MS4A12: variants seen among roughly 807,000 people sequenced by gnomAD.
MS4A12 encodes membrane-spanning 4-domains subfamily A member 12.
MS4A12 carries 28 observed loss-of-function variants against 23.7 expected under a neutral mutation model. The observed-to-expected ratio is 1.18, with a 90% CI of 0.88 to 1.62. MS4A12 has a LOEUF of 1.62. MS4A12 is among the 40% of genes most tolerant of loss of function. The pLI, the probability that MS4A12 is intolerant of heterozygous loss-of-function variation, is 0.00. For synonymous variants in MS4A12, 108 were observed against 110.1 expected, an observed-to-expected ratio of 0.98 and a Z score of 0.12; for missense variants, 342 against 327.0, an observed-to-expected ratio of 1.05 and a Z score of -0.35.
chr11:60,506,720 G>T lies in MS4A12; in HGVS notation c.589-8G>T, dbSNP rs758150152. On this transcript the variant is annotated splice_polypyrimidine_tract_variant and splice_region_variant and intron_variant, in intron 5 of 6. Transcript: ENST00000016913. ...AGCCAAAATTTCACTATTTATTTAT[G>T]ATTTCAGCTTTCTGGAAAAGGCATT... 2 of 1,612,074 alleles carry T rather than the reference G, an allele frequency of 1.2e-6. No homozygotes were observed. Among genetic ancestry groups the T allele is most frequent in the African/African-American group, 2.7e-5 (2 of 74,848 alleles).
chr11:60,499,308 G>A (rs1480105206), intron 2 of MS4A12, among the ~76,000 whole-genome samples: 1 of 152,168 alleles, frequency 6.6e-6, no homozygotes, highest in Non-Finnish European at 1.5e-5. Context: ...CTGTCCTATA[G>A]GCAATTTTGA....
At chr11:60,498,269 A>C (rs2086504706) in intron 2 of MS4A12, among the ~76,000 whole-genome samples, 1 of 152,190 alleles carries the variant, frequency 6.6e-6, no homozygotes, top group African/African-American at 2.4e-5. Context: ...CCACCAAATT[A>C]TATTAAGTCT....
rs200547614 is a variant in MS4A12, at chr11:60,502,031, C to A, written c.463C>A (p.Arg155Ser). 1.7e-5 allele frequency: 27 copies of A among 1,611,774 alleles called. No homozygotes were observed. The East Asian group carries it at 6.0e-4, about 36-fold the overall frequency. The change falls in exon 4 of 7, where the codon CGT becomes AGT. Residue 155 changes from arginine to serine, a missense_variant. Arg to Ser is a moderately radical substitution (Grantham distance 110). Transcript: ENST00000016913. Reference sequence around the variant, plus strand: ...TGTGTCAGCATCCAAGGAGCTTTCCCGTTGTCTGGTAAGTTAGACTGTCTC... The same window carrying A: ...TGTGTCAGCATCCAAGGAGCTTTCCAGTTGTCTGGTAAGTTAGACTGTCTC... ...LSVSASKELS[R>S]CLVKGSLGMN...
Position 60,506,719 on chromosome 11 carries a change from T to C in MS4A12, c.589-9T>C. Reference sequence around the variant, plus strand: ...TAGCCAAAATTTCACTATTTATTTATGATTTCAGCTTTCTGGAAAAGGCAT... The same window carrying C: ...TAGCCAAAATTTCACTATTTATTTACGATTTCAGCTTTCTGGAAAAGGCAT... On this transcript the variant is annotated splice_polypyrimidine_tract_variant and intron_variant, in intron 5 of 6. Transcript: ENST00000016913. The C allele has an allele frequency of 6.2e-7, 1 of 1,612,138 alleles. No individual in the cohort carries two copies. Among genetic ancestry groups the C allele is most frequent in the Non-Finnish European group, 8.5e-7 (1 of 1,178,290 alleles).
At chr11:60,503,866 AAAGTG>A (rs767671907) in intron 5 of MS4A12, 49 bp downstream of exon 5, 2 of 1,504,920 alleles carry the variant, frequency 1.3e-6, no homozygotes, top group East Asian at 4.5e-5. Flanking sequence ...TCAGTCCCGT[AAAGTG>A]GGTCTATGTT....
chr11:60,501,057 A>C lies in MS4A12; in HGVS notation c.289A>C (p.Met97Leu), dbSNP rs143892341. 1.2e-6 allele frequency: 2 copies of C among 1,603,918 alleles called. No individual in the cohort carries two copies. The highest frequency in any genetic ancestry group is 1.7e-6 in the Non-Finnish European group (2 of 1,176,992). The change falls in exon 3 of 7, where the codon ATG becomes CTG. Residue 97 changes from methionine (M) to leucine (L), a missense_variant. By Grantham distance (15) the Met-to-Leu change is conservative. Coordinates refer to ENST00000016913, the MANE Select transcript of MS4A12 (RefSeq NM_017716.3). The stretch of plus-strand genomic sequence containing the variant: ...TTTCTTTTTTCAGGTGATCCAGATC[A>C]TGGTTGGATTGATGCACATTGGTTT... ...EAKALGVIQI[M>L]VGLMHIGFGI...
At chr11:60,494,449 T>A (rs11230342) in intron 1 of MS4A12, among the ~76,000 whole-genome samples, 72,286 of 152,076 alleles carry the variant, frequency 0.48, 17,367 homozygotes, top group African/African-American at 0.51. Flanking sequence ...TTTAATTGTA[T>A]GCTTTTTAAA....
chr11:60,493,554 G>A (rs1388494206), intron 1 of MS4A12, among the ~76,000 whole-genome samples: 2 of 152,158 alleles, frequency 1.3e-5, no homozygotes, highest in African/African-American at 2.4e-5. Context: ...CCTTGGCTTT[G>A]TAACACATTT....
Position 60,492,840 on chromosome 11 carries a change from G to C in MS4A12, c.-7+12G>C, listed in dbSNP as rs1565202027. 6.6e-6 allele frequency: 1 copy of C among 152,206 alleles called. No homozygotes were observed. Among genetic ancestry groups the C allele is most frequent in the Non-Finnish European group, 1.5e-5 (1 of 68,054 alleles). 9.4% of individuals were successfully genotyped at this position (152,206 alleles called of 1,614,324 possible). A position where few individuals can be genotyped will look rare whatever the true frequency, so the allele number is the denominator to read the frequency against. ...GCCAAAGGAACAAAGTAAGTCCATTGATACGTTCTTGCCTATCTCTCCTCC... is the reference window on the plus strand; with the variant it reads ...GCCAAAGGAACAAAGTAAGTCCATTCATACGTTCTTGCCTATCTCTCCTCC... On this transcript the variant is annotated intron_variant, in intron 1 of 6. Coordinates refer to ENST00000016913, the MANE Select transcript of MS4A12 (RefSeq NM_017716.3).
intron 4 of MS4A12, 97 bp downstream of exon 4, chr11:60,502,136 G>A (rs2086535248): frequency 8.0e-7 from 1 of 1,256,912 alleles, no homozygotes; most frequent in African/African-American, 1.5e-5. Context: ...AATGCAAAAG[G>A]GAGCACCTTT....
intron 5 of MS4A12, among the ~76,000 whole-genome samples, chr11:60,505,577 C>T (rs1390086496): frequency 1.3e-5 from 2 of 152,072 alleles, no homozygotes; most frequent in Non-Finnish European, 2.9e-5. Context: ...CATTCTGATG[C>T]TACTCAAAGC....
rs1565206447 is a variant in MS4A12, at chr11:60,507,265, A to G, written c.*141A>G. ...AGATTTGTTTTTAGGTTGGTCGCTA[A>G]TGATGGCTGTATCTCCCTTCACTGT... is the stretch of plus-strand genomic sequence containing the variant. On this transcript the variant is annotated 3_prime_UTR_variant, in exon 7 of 7. Transcript: ENST00000016913. 3.0e-6 allele frequency: 2 copies of G among 666,046 alleles called. No individual in the cohort carries two copies. Among genetic ancestry groups the G allele is most frequent in the Non-Finnish European group, 5.2e-6 (2 of 387,244 alleles). The allele number at this position is 666,046 out of a possible 1,614,324, so 41.3% of individuals were successfully genotyped here.
rs768853841 is a variant in MS4A12, at chr11:60,507,063, C to T, written c.743C>T (p.Thr248Ile). Residue 248 changes from threonine (T) to isoleucine (I), a missense_variant, in exon 7 of 7, where the codon ACA becomes ATA. Transcript: ENST00000016913. ...AATATGTATGAAAGCAACCCTGTGA[C>T]ACCAGCGTCTTCTTCAGCTCCTCCC... ...IPNMYESNPV[T>I]PASSSAPPRC... The T allele has an allele frequency of 2.7e-5, 43 of 1,614,068 alleles. 1 individual carries two copies. In the Middle Eastern group the frequency reaches 8.2e-4, roughly 31 times the overall value.
At chr11:60,494,483 G>C (rs7129443) in intron 1 of MS4A12, among the ~76,000 whole-genome samples, 33,152 of 151,948 alleles carry the variant, frequency 0.22, 4,540 homozygotes, top group Non-Finnish European at 0.29. Context: ...TCTTGTTCTG[G>C]TTAATTACTG....
chr11:60,503,619 A>G, intron 4 of MS4A12, 82 bp from the exon 5 acceptor site: 1 of 1,137,062 alleles, frequency 8.8e-7, no homozygotes, highest in Non-Finnish European at 1.3e-6. Flanking sequence ...AAAATTAAGA[A>G]CCATGAAATT....
At chr11:60,495,257 C>T (rs1190154863) in intron 1 of MS4A12, among the ~76,000 whole-genome samples, 1 of 151,632 alleles carries the variant, frequency 6.6e-6, no homozygotes, top group Non-Finnish European at 1.5e-5. Context: ...CCGCCTCGGC[C>T]TCCTAAAGTG....
At chr11:60,498,786 G>A (rs1490851998) in intron 2 of MS4A12, among the ~76,000 whole-genome samples, 2 of 152,216 alleles carry the variant, frequency 1.3e-5, no homozygotes, top group African/African-American at 4.8e-5. Flanking sequence ...CATGACATTT[G>A]AGCAAAAACC....
At chr11:60,493,916 T>C (rs941145522) in intron 1 of MS4A12, among the ~76,000 whole-genome samples, 4 of 152,214 alleles carry the variant, frequency 2.6e-5, no homozygotes, top group Non-Finnish European at 4.4e-5. Context: ...TTTGATCTCA[T>C]CAGAGCTCCA....
At chr11:60,502,150 A>C (rs1370067087) in intron 4 of MS4A12, 111 bp downstream of exon 4, 8 of 1,056,066 alleles carry the variant, frequency 7.6e-6, no homozygotes, top group Non-Finnish European at 5.6e-6. Context: ...CACCTTTCCC[A>C]AAAAAAATCT....
Sources: allele counts gnomAD v4.1 joint callset (sites outside exome capture counted in the v4.1 genomes callset), GRCh38; gene constraint gnomAD v4.1.1; transcripts MANE v1.5; gene names NCBI Gene and HGNC (gene_info 2026-07-23, HGNC 2026-07-21).